Variants in QTMAN observed in about 807,000 individuals in gnomAD.
QTMAN encodes the protein queuosine-tRNA mannosyltransferase.
chr2:143,967,941 G>C, the QTMAN span, among the ~76,000 whole-genome samples: 1 of 152,132 alleles, frequency 6.6e-6, no homozygotes, highest in Non-Finnish European at 1.5e-5. Flanking sequence ...GAACAGCTTA[G>C]AACACCTGGA....
chr2:144,088,947 A>G, the QTMAN span, among the ~76,000 whole-genome samples: 1 of 151,958 alleles, frequency 6.6e-6, no homozygotes, highest in African/African-American at 2.4e-5. Flanking sequence ...AAGCACAAGC[A>G]ATTAAAACAA....
the QTMAN span, among the ~76,000 whole-genome samples, chr2:144,186,512 G>A: frequency 6.6e-6 from 1 of 152,150 alleles, no homozygotes; most frequent in Non-Finnish European, 1.5e-5. Context: ...ATAGATGTAT[G>A]TGGGTTTTAT....
the QTMAN span, among the ~76,000 whole-genome samples, chr2:144,047,134 G>A: frequency 2.6e-5 from 4 of 152,236 alleles, no homozygotes; most frequent in East Asian, 5.8e-4. Context: ...AGCCAGGCAC[G>A]GTGGTGTGTG....
At chr2:144,132,137 T>C in the QTMAN span, among the ~76,000 whole-genome samples, 1 of 151,938 alleles carries the variant, frequency 6.6e-6, no homozygotes, top group Non-Finnish European at 1.5e-5. Flanking sequence ...TTATTTATCC[T>C]TATATCCCAG....
At chr2:143,947,461 T>C in the QTMAN span, among the ~76,000 whole-genome samples, 3 of 152,210 alleles carry the variant, frequency 2.0e-5, no homozygotes, top group Non-Finnish European at 2.9e-5. Flanking sequence ...ATCCAACTTT[T>C]AACTTATATA....
At chr2:144,103,338 G>A in the QTMAN span, among the ~76,000 whole-genome samples, 6,923 of 152,276 alleles carry the variant, frequency 0.045, 517 homozygotes, top group African/African-American at 0.16. Context: ...ATGTGAAACT[G>A]ACTCAAAGGA....
At chr2:144,259,339 G>A in the QTMAN span, among the ~76,000 whole-genome samples, 9 of 151,940 alleles carry the variant, frequency 5.9e-5, no homozygotes, top group African/African-American at 2.2e-4. Context: ...TTGTACTTTT[G>A]GTAGAGACGG....
At chr2:143,947,193 A>T in the QTMAN span, 2 of 1,232,944 alleles carry the variant, frequency 1.6e-6, no homozygotes, top group South Asian at 2.5e-5. Flanking sequence ...TGACTAAAAG[A>T]TGAAAGTATG....
At chr2:144,273,624 A>C in the QTMAN span, among the ~76,000 whole-genome samples, 17 of 152,184 alleles carry the variant, frequency 1.1e-4, no homozygotes, top group Non-Finnish European at 2.2e-4. Context: ...CATGATCAAG[A>C]ACACACACCA....
the QTMAN span, among the ~76,000 whole-genome samples, chr2:144,231,958 C>T: frequency 8.7e-5 from 13 of 149,668 alleles, no homozygotes; most frequent in Non-Finnish European, 1.3e-4. Flanking sequence ...CAGTCATGAA[C>T]TTAACTGGAT....
chr2:144,050,260 T>A, the QTMAN span, among the ~76,000 whole-genome samples: 1 of 151,612 alleles, frequency 6.6e-6, no homozygotes, highest in Admixed American at 6.6e-5. Context: ...AAATTTTAGA[T>A]GGGATGTCAA....
At chr2:144,183,665 G>A in the QTMAN span, among the ~76,000 whole-genome samples, 5 of 151,972 alleles carry the variant, frequency 3.3e-5, no homozygotes, top group African/African-American at 9.7e-5. Context: ...ACATATACAC[G>A]GTTATTCATC....
chr2:144,002,443 G>A, the QTMAN span, among the ~76,000 whole-genome samples: 1 of 151,904 alleles, frequency 6.6e-6, no homozygotes, highest in Non-Finnish European at 1.5e-5. Context: ...ATGTGAACTT[G>A]TCACTCAAGG....
chr2:144,323,793 T>C, the QTMAN span, among the ~76,000 whole-genome samples: 1 of 152,212 alleles, frequency 6.6e-6, no homozygotes. Context: ...CAATTAATAT[T>C]TAGTGAGCAC....
the QTMAN span, among the ~76,000 whole-genome samples, chr2:144,169,377 T>TA: frequency 3.9e-5 from 6 of 152,184 alleles, no homozygotes; most frequent in Non-Finnish European, 8.8e-5. Context: ...CATCTATCAA[T>TA]AGTTTTGCCA....
chr2:144,276,125 T>C, the QTMAN span, among the ~76,000 whole-genome samples: 4 of 152,096 alleles, frequency 2.6e-5, no homozygotes, highest in Admixed American at 6.6e-5. Flanking sequence ...CAATGCTCCA[T>C]AGATTTAGAG....
the QTMAN span, among the ~76,000 whole-genome samples, chr2:144,244,549 A>C: frequency 6.6e-6 from 1 of 152,252 alleles, no homozygotes. Flanking sequence ...TAATATAAAA[A>C]GTAAGTAACA....
the QTMAN span, among the ~76,000 whole-genome samples, chr2:144,049,434 A>T: frequency 6.6e-6 from 1 of 152,212 alleles, no homozygotes; most frequent in Non-Finnish European, 1.5e-5. Flanking sequence ...CTTTTAGAGC[A>T]ATATATTTAT....
the QTMAN span, among the ~76,000 whole-genome samples, chr2:144,008,522 G>T: frequency 6.6e-6 from 1 of 152,082 alleles, no homozygotes; most frequent in Non-Finnish European, 1.5e-5. Flanking sequence ...TGGGATGCAG[G>T]TCTGGATGTA....
Sources: allele counts gnomAD v4.1 joint callset (sites outside exome capture counted in the v4.1 genomes callset), GRCh38; gene constraint gnomAD v4.1.1; transcripts MANE v1.5; gene names NCBI Gene and HGNC (gene_info 2026-07-23, HGNC 2026-07-21).